LRMDA: variants seen among roughly 807,000 people sequenced by gnomAD.
LRMDA encodes leucine rich melanocyte differentiation associated, also known as leucine-rich melanocyte differentiation-associated protein.
Under a neutral mutation model 29.8 loss-of-function variants are expected in LRMDA, and 18 were observed. The observed-to-expected ratio is 0.60, with a 90% CI of 0.42 to 0.90. The LOEUF (loss-of-function observed/expected upper bound fraction) is 0.90. Ranked by LOEUF, LRMDA falls within the 40% of genes least tolerant of loss-of-function variation. The pLI, the probability that LRMDA is intolerant of heterozygous loss-of-function variation, is 0.00. For synonymous variants in LRMDA, 125 were observed against 109.4 expected (o/e 1.14, Z -0.89); for missense variants, 273 against 273.9 (o/e 1.00, Z 0.02).
At chr10:76,145,500 G>A (rs902015653) in intron 5 of LRMDA, among the ~76,000 whole-genome samples, 1 of 152,144 alleles carries the variant, frequency 6.6e-6, no homozygotes, top group African/African-American at 2.4e-5. Context: ...AGTATTCTCT[G>A]ATAGTAGTTT....
rs1589246232 is a variant in LRMDA at position 75,899,944 on chromosome 10, A to T, written c.132-136064A>T. On this transcript the variant is annotated intron_variant, in intron 2 of 6. Coordinates refer to ENST00000611255, the MANE Select transcript of LRMDA (RefSeq NM_001305581.2). The stretch of plus-strand genomic sequence containing the variant: ...TATTAATTTGCATAGATATTTGTGT[A>T]TGATTTTATTTACATTGGTGAGGCA... Among the ~76,000 whole-genome samples, 5 of 152,196 alleles carry T rather than the reference A, an allele frequency of 3.3e-5. No homozygotes were observed. The South Asian group carries it at 8.3e-4, about 25-fold the overall frequency.
intron 5 of LRMDA, among the ~76,000 whole-genome samples, chr10:76,106,284 A>G (rs924382486): frequency 1.4e-4 from 21 of 152,184 alleles, no homozygotes; most frequent in East Asian, 1.9e-4. Context: ...GGTATGGTCC[A>G]TTTTTGCAGT....
intron 2 of LRMDA, among the ~76,000 whole-genome samples, chr10:75,447,022 C>T (rs932119644): frequency 5.3e-5 from 8 of 152,192 alleles, no homozygotes; most frequent in African/African-American, 1.9e-4. Context: ...GGCAACAGAG[C>T]TCATGTCTGT....
chr10:75,463,109 C>T (rs1391848467), intron 2 of LRMDA, among the ~76,000 whole-genome samples: 1 of 152,274 alleles, frequency 6.6e-6, no homozygotes, highest in Non-Finnish European at 1.5e-5. Context: ...AATGCTCCTG[C>T]ATCCTCTTCT....
At chr10:75,683,504 C>T (rs1250967545) in intron 2 of LRMDA, among the ~76,000 whole-genome samples, 1 of 152,166 alleles carries the variant, frequency 6.6e-6, no homozygotes, top group Non-Finnish European at 1.5e-5. Flanking sequence ...TGGAATGATG[C>T]AAAACCAGTT....
intron 2 of LRMDA, among the ~76,000 whole-genome samples, chr10:75,715,066 A>G (rs1842483880): frequency 6.6e-6 from 1 of 152,032 alleles, no homozygotes; most frequent in Non-Finnish European, 1.5e-5. Context: ...ATGACTCACT[A>G]CACCTGTGTT....
At chr10:75,903,274 A>G (rs1404085161) in intron 2 of LRMDA, among the ~76,000 whole-genome samples, 1 of 152,214 alleles carries the variant, frequency 6.6e-6, no homozygotes, top group African/African-American at 2.4e-5. Context: ...CATCTGGGTA[A>G]CTGAGCACAG....
intron 2 of LRMDA, among the ~76,000 whole-genome samples, chr10:75,638,039 CT>C (rs1019089811): frequency 1.1e-4 from 17 of 151,664 alleles, no homozygotes; most frequent in African/African-American, 2.2e-4. Context: ...GTTTCCAAAT[CT>C]TTTTTTTTCC....
intron 5 of LRMDA, among the ~76,000 whole-genome samples, chr10:76,192,839 T>C (rs886857158): frequency 4.6e-5 from 7 of 152,198 alleles, no homozygotes; most frequent in Admixed American, 2.0e-4. Flanking sequence ...TTTAGTTAGG[T>C]AGAGCTCAGA....
intron 5 of LRMDA, among the ~76,000 whole-genome samples, chr10:76,141,458 G>A (rs1380608161): frequency 6.6e-6 from 1 of 152,150 alleles, no homozygotes; most frequent in Non-Finnish European, 1.5e-5. Flanking sequence ...TAAAGATCAT[G>A]TGTAATTAAC....
chr10:75,719,776 A>G (rs1306586696), intron 2 of LRMDA, among the ~76,000 whole-genome samples: 2 of 152,172 alleles, frequency 1.3e-5, no homozygotes, highest in East Asian at 3.8e-4. Context: ...TGTCGGTTCT[A>G]TTACAGAGAG....
At chr10:76,212,353 A>G (rs1405134956) in intron 5 of LRMDA, among the ~76,000 whole-genome samples, 2 of 152,062 alleles carry the variant, frequency 1.3e-5, no homozygotes, top group African/African-American at 4.8e-5. Context: ...GGAAAGAAGA[A>G]AAATCATTAT....
intron 2 of LRMDA, among the ~76,000 whole-genome samples, chr10:75,737,839 T>A (rs531272217): frequency 4.9e-4 from 75 of 152,338 alleles, no homozygotes; most frequent in African/African-American, 1.8e-3. Context: ...TTATCACTGC[T>A]GCACTGGTGC....
At chr10:76,264,766 G>C (rs1431127994) in intron 5 of LRMDA, among the ~76,000 whole-genome samples, 1 of 152,156 alleles carries the variant, frequency 6.6e-6, no homozygotes. Flanking sequence ...AATTTAATGG[G>C]ACATTATAGT....
intron 6 of LRMDA, among the ~76,000 whole-genome samples, chr10:76,404,579 T>G (rs1033124511): frequency 2.6e-5 from 4 of 152,066 alleles, no homozygotes; most frequent in African/African-American, 9.7e-5. Flanking sequence ...ACACACTGGG[T>G]GTGTTCCCTG....
Position 76,416,259 on chromosome 10 carries a change from G to A in LRMDA, c.601+91774G>A, listed in dbSNP as rs75967424. The stretch of plus-strand genomic sequence containing the variant: ...TGGTTCACATGACCCTTGCTGTGGA[G>A]GGAAATGGAGTGCCACCTGGAATCA... On this transcript the variant is annotated intron_variant, in intron 6 of 6. Transcript: ENST00000611255. 2.0e-5 allele frequency among the ~76,000 whole-genome samples: 3 copies of A among 152,196 alleles called. No homozygotes were observed. The East Asian group carries it at 5.8e-4, about 29-fold the overall frequency.
At chr10:75,618,355 ACTCTCT>A (rs753240055) in intron 2 of LRMDA, among the ~76,000 whole-genome samples, 3,434 of 131,754 alleles carry the variant, frequency 0.026, 65 homozygotes, top group South Asian at 0.056. Context: ...TCTTTACCAG[ACTCTCT>A]CTCTCTCTCT....
intron 2 of LRMDA, among the ~76,000 whole-genome samples, chr10:75,648,700 A>G (rs566299352): frequency 6.6e-6 from 1 of 152,290 alleles, no homozygotes; most frequent in East Asian, 1.9e-4. Context: ...ACAATTAAGA[A>G]AAAAGGAAGT....
At chr10:75,768,175 C>T (rs964645808) in intron 2 of LRMDA, among the ~76,000 whole-genome samples, 4 of 152,180 alleles carry the variant, frequency 2.6e-5, no homozygotes, top group Admixed American at 6.5e-5. Flanking sequence ...GAATCCAGTA[C>T]GGCACCTGAT....
Sources: gnomAD v4.1 joint callset for allele counts (sites outside exome capture counted in the v4.1 genomes callset) on GRCh38, gnomAD v4.1.1 for gene constraint, MANE v1.5 for transcripts, NCBI Gene and HGNC (gene_info 2026-07-23, HGNC 2026-07-21) for gene names.